The following BBS9 variants were observed in gnomAD, a reference collection of about 807,000 sequenced individuals.
BBS9 encodes the protein protein PTHB1.
Under a neutral mutation model 117.7 loss-of-function variants are expected in BBS9, and 89 were observed. That is an observed-to-expected ratio of 0.76 (90% CI 0.64 to 0.90). BBS9 has a LOEUF of 0.90. Ranked by LOEUF, BBS9 falls within the 40% of genes least tolerant of loss-of-function variation. The pLI is 0.00. For missense variants in BBS9, 982 were observed against 1,042.2 expected (o/e 0.94, Z 0.80); for synonymous variants, 379 against 370.9 (o/e 1.02, Z -0.25).
At chr7:33,409,525 G>T (rs1238406722) in intron 19 of BBS9, among the ~76,000 whole-genome samples, 1 of 152,108 alleles carries the variant, frequency 6.6e-6, no homozygotes, top group Non-Finnish European at 1.5e-5. Flanking sequence ...GTCTGTTTTT[G>T]TACCAGTACC....
intron 4 of BBS9, among the ~76,000 whole-genome samples, chr7:33,162,687 GAGACTTTGCTA>G (rs1795043453): frequency 6.6e-6 from 1 of 152,118 alleles, no homozygotes; most frequent in Admixed American, 6.5e-5. Flanking sequence ...TTTGTATACT[GAGACTTTGCTA>G]AACTTTCTTA....
intron 17 of BBS9, among the ~76,000 whole-genome samples, chr7:33,374,588 G>T (rs541220924): frequency 6.6e-6 from 1 of 152,072 alleles, no homozygotes; most frequent in Non-Finnish European, 1.5e-5. Flanking sequence ...TATTGAAGAG[G>T]TTGTATATTT....
intron 19 of BBS9, among the ~76,000 whole-genome samples, chr7:33,431,746 T>C (rs1040556177): frequency 9.9e-5 from 15 of 152,226 alleles, no homozygotes; most frequent in African/African-American, 3.4e-4. Context: ...TTGTTTTTGA[T>C]GTTTTGCTAT....
intron 14 of BBS9, 121 bp from the exon 15 acceptor site, chr7:33,352,738 T>C (rs1818898227): frequency 8.7e-7 from 1 of 1,148,398 alleles, no homozygotes; most frequent in South Asian, 1.3e-5. Context: ...TCTGTGAGAA[T>C]CTTGAAATTT....
At chr7:33,132,996 C>T (rs1429966873) in intron 1 of BBS9, among the ~76,000 whole-genome samples, 2 of 152,094 alleles carry the variant, frequency 1.3e-5, no homozygotes, top group Non-Finnish European at 1.5e-5. Flanking sequence ...CACTATGTTG[C>T]GCAGGCTGGT....
At chr7:33,156,779 AT>A (rs1167161087) in intron 4 of BBS9, among the ~76,000 whole-genome samples, 1 of 151,836 alleles carries the variant, frequency 6.6e-6, no homozygotes, top group Non-Finnish European at 1.5e-5. Context: ...TACCACTATC[AT>A]TTTATTTCCC....
intron 19 of BBS9, among the ~76,000 whole-genome samples, chr7:33,467,297 A>G (rs1840322081): frequency 6.6e-6 from 1 of 152,102 alleles, no homozygotes; most frequent in Non-Finnish European, 1.5e-5. Flanking sequence ...TACTAGACCC[A>G]GAATGACATG....
intron 5 of BBS9, among the ~76,000 whole-genome samples, chr7:33,211,086 T>G (rs915892194): frequency 6.6e-6 from 1 of 152,242 alleles, no homozygotes; most frequent in Admixed American, 6.5e-5. Flanking sequence ...GTGTTTCTTG[T>G]AGGCAACAGA....
chr7:33,381,425 C>T lies in BBS9; in HGVS notation c.1790-2241C>T, dbSNP rs1282006711. 2.0e-5 allele frequency among the ~76,000 whole-genome samples: 3 copies of T among 152,136 alleles called. No homozygotes were observed. The South Asian group carries it at 6.2e-4, about 31-fold the overall frequency. ...TCCTGATTTTATCCCCAGTGTCTTG[C>T]ACTGAGTTACGTAAATGAATGAAAG... On this transcript the variant is annotated intron_variant, in intron 17 of 22. Transcript: ENST00000242067.
intron 5 of BBS9, among the ~76,000 whole-genome samples, chr7:33,246,686 A>G (rs1016760727): frequency 6.6e-6 from 1 of 152,112 alleles, no homozygotes; most frequent in Non-Finnish European, 1.5e-5. Flanking sequence ...AAGGAATGCT[A>G]AAGTACACGG....
At chr7:33,300,989 G>A (rs10250045) in intron 9 of BBS9, among the ~76,000 whole-genome samples, 125,900 of 152,046 alleles carry the variant, frequency 0.83, 52,175 homozygotes, top group Admixed American at 0.86. Context: ...GAAGATATCA[G>A]TCCATTGGTC....
intron 19 of BBS9, among the ~76,000 whole-genome samples, chr7:33,423,084 A>G (rs981708141): frequency 2.0e-5 from 3 of 152,152 alleles, no homozygotes; most frequent in African/African-American, 7.2e-5. Context: ...GGATCGGAAC[A>G]CTTTGCTGAT....
chr7:33,440,537 G>A (rs946994414), intron 19 of BBS9, among the ~76,000 whole-genome samples: 7 of 152,166 alleles, frequency 4.6e-5, no homozygotes, highest in South Asian at 4.1e-4. Context: ...GAAGGTCATG[G>A]GCCACAGCTT....
rs571343616 is a variant in BBS9, at chr7:33,415,846, A to T, written c.2115+27702A>T. Among the ~76,000 whole-genome samples the T allele has an allele frequency of 5.9e-5, 9 of 152,148 alleles. No homozygotes were observed. In the East Asian group the frequency reaches 1.2e-3, roughly 20 times the overall value. On this transcript the variant is annotated intron_variant, in intron 19 of 22. Transcript: ENST00000242067. ...AACATTTTTTTAATTAAGAAAAAAAATTTTTTGAGATAGGGTCTCATTCTG... is the reference window on the plus strand; with the variant it reads ...AACATTTTTTTAATTAAGAAAAAAATTTTTTTGAGATAGGGTCTCATTCTG...
intron 19 of BBS9, among the ~76,000 whole-genome samples, chr7:33,503,426 T>C (rs1333663651): frequency 6.6e-6 from 1 of 152,230 alleles, no homozygotes; most frequent in Non-Finnish European, 1.5e-5. Context: ...ATGCGGCCTA[T>C]GTTCAATTAA....
At chr7:33,545,787 T>C (rs945771243) in intron 21 of BBS9, among the ~76,000 whole-genome samples, 3 of 152,166 alleles carry the variant, frequency 2.0e-5, no homozygotes, top group Non-Finnish European at 2.9e-5. Context: ...TTATTCAATA[T>C]ATGTAAATGT....
At chr7:33,303,769 G>A (rs1431079051) in intron 9 of BBS9, among the ~76,000 whole-genome samples, 1 of 151,950 alleles carries the variant, frequency 6.6e-6, no homozygotes, top group Non-Finnish European at 1.5e-5. Flanking sequence ...TCGGACTCCC[G>A]AGGTGCTGGG....
intron 5 of BBS9, among the ~76,000 whole-genome samples, chr7:33,231,064 C>T (rs1792287920): frequency 6.6e-6 from 1 of 152,276 alleles, no homozygotes; most frequent in South Asian, 2.1e-4. Flanking sequence ...TCCCTTTTCA[C>T]CACATCTGTG....
intron 21 of BBS9, among the ~76,000 whole-genome samples, chr7:33,556,310 A>G (rs1452214774): frequency 6.6e-6 from 1 of 152,182 alleles, no homozygotes; most frequent in East Asian, 1.9e-4. Context: ...ACTGTGTTGA[A>G]TATTATTTAA....
Sources: gnomAD v4.1 joint callset for allele counts (sites outside exome capture counted in the v4.1 genomes callset) on GRCh38, gnomAD v4.1.1 for gene constraint, MANE v1.5 for transcripts, NCBI Gene and HGNC (gene_info 2026-07-23, HGNC 2026-07-21) for gene names.